The following ZBTB49 variants were observed in gnomAD, a reference collection of about 807,000 sequenced individuals.
The protein encoded by ZBTB49 is zinc finger and BTB domain containing 49, also known as zinc finger and BTB domain-containing protein 49.
ZBTB49 carries 43 observed loss-of-function variants against 57.5 expected under a neutral mutation model. That is an observed-to-expected ratio of 0.75 (90% confidence interval 0.59 to 0.97). The LOEUF (loss-of-function observed/expected upper bound fraction) is 0.97, where lower values mean the gene tolerates loss of function less well. ZBTB49 is among the 50% of genes least tolerant of loss of function. The probability of loss-of-function intolerance (pLI) is 0.00; values close to 1 mark genes in which losing one functional copy is unlikely to be tolerated. For synonymous variants in ZBTB49, 369 were observed against 362.1 expected (o/e 1.02, Z -0.22); for missense variants, 938 against 947.7 (o/e 0.99, Z 0.13).
chr4:4,304,306 A>C (rs919157774), intron 3 of ZBTB49, among the ~76,000 whole-genome samples: 1 of 151,382 alleles, frequency 6.6e-6, no homozygotes, highest in Non-Finnish European at 1.5e-5. Flanking sequence ...GCTCACTGCA[A>C]CCTCTGCCTC....
In ZBTB49 at chr4:4,313,038, C is replaced by T. The variant is rs768312324; in HGVS notation, c.1303-3C>T. 12 of 1,612,754 alleles carry T rather than the reference C, an allele frequency of 7.4e-6. No homozygotes were observed. Among genetic ancestry groups the T allele is most frequent in the Non-Finnish European group, 1.0e-5 (12 of 1,179,704 alleles). Reference sequence around the variant, plus strand: ...GTGTGTTTTTCTTTTCCTCTTTTTGCAGGCAGGTAACTTGCAGACTCACTT... The same window carrying T: ...GTGTGTTTTTCTTTTCCTCTTTTTGTAGGCAGGTAACTTGCAGACTCACTT... On this transcript the variant is annotated splice_region_variant and splice_polypyrimidine_tract_variant and intron_variant, in intron 4 of 7. Coordinates refer to ENST00000337872, the MANE Select transcript of ZBTB49 (RefSeq NM_145291.4).
intron 5 of ZBTB49, among the ~76,000 whole-genome samples, chr4:4,314,070 G>C (rs1241037013): frequency 6.6e-6 from 1 of 152,214 alleles, no homozygotes; most frequent in African/African-American, 2.4e-5. Context: ...GCTGGGGAAA[G>C]CCGAGGAGGA....
chr4:4,297,161 C>T (rs1358478394), intron 1 of ZBTB49, among the ~76,000 whole-genome samples: 1 of 152,176 alleles, frequency 6.6e-6, no homozygotes, highest in Non-Finnish European at 1.5e-5. Flanking sequence ...ACCTCCCCCG[C>T]CTGGGTTCAA....
At chr4:4,306,475 C>G (rs146629351) in intron 4 of ZBTB49, among the ~76,000 whole-genome samples, 2 of 152,306 alleles carry the variant, frequency 1.3e-5, no homozygotes, top group East Asian at 3.9e-4. Flanking sequence ...TCACAGTGAA[C>G]CACCTTGAGC....
At chr4:4,300,169 A>G (rs1344766984) in intron 2 of ZBTB49, 72 bp downstream of exon 2, 39 of 1,515,874 alleles carry the variant, frequency 2.6e-5, no homozygotes, top group Non-Finnish European at 3.5e-5. Context: ...AAGTATTCAT[A>G]TTTTGTTCTC....
In ZBTB49 at chr4:4,311,533, T is replaced by C. The variant is rs192616229; in HGVS notation, c.1303-1508T>C. Among the ~76,000 whole-genome samples the C allele has an allele frequency of 2.2e-3, 328 of 152,304 alleles. 1 individual carries two copies. The highest frequency in any genetic ancestry group is 7.4e-3 in the African/African-American group (308 of 41,572). ...TGTTTCCTCAAGGTTTCCCCACAAG[T>C]AGAGGAGTTTAGATTCACAGCAACC... On this transcript the variant is annotated intron_variant, in intron 4 of 7. Coordinates refer to ENST00000337872, the MANE Select transcript of ZBTB49 (RefSeq NM_145291.4).
rs531748171 is a variant in ZBTB49, at chr4:4,296,618, C to T, written c.-19-3309C>T. 1.5e-3 allele frequency among the ~76,000 whole-genome samples: 234 copies of T among 152,294 alleles called. 1 individual carries two copies. The highest frequency in any genetic ancestry group is 5.0e-3 in the African/African-American group (208 of 41,554). ...AAACCTCTTTCTTTTGTAAATTGCC[C>T]AGTCTTGGGTATGTCCTTATCAGCA... On this transcript the variant is annotated intron_variant, in intron 1 of 7. Coordinates refer to ENST00000337872, the MANE Select transcript of ZBTB49 (RefSeq NM_145291.4).
In ZBTB49 at chr4:4,301,991, G is replaced by T; in HGVS notation, c.155G>T (p.Ser52Ile). ...ACAGATATTCTTTCTTTTACCAGGA[G>T]CCTCTTTCAGAATTCTTCAAGCCAG... ...VLAAFSQYFR[S>I]LFQNSSSQKN... The change falls in exon 3 of 8, where the codon AGC becomes ATC. Residue 52 changes from serine (S) to isoleucine (I), a missense_variant and splice_region_variant. Physicochemically the swap from Ser to Ile is moderately radical, Grantham distance 142. Transcript: ENST00000337872. The T allele has an allele frequency of 6.6e-7, 1 of 1,521,298 alleles. No individual in the cohort carries two copies. 94.2% of individuals were successfully genotyped at this position (1,521,298 alleles called of 1,614,324 possible). A position where few individuals can be genotyped will look rare whatever the true frequency, so the allele number is the denominator to read the frequency against.
chr4:4,294,278 C>A (rs1321959000), intron 1 of ZBTB49, among the ~76,000 whole-genome samples: 3 of 151,988 alleles, frequency 2.0e-5, no homozygotes, highest in African/African-American at 7.3e-5. Context: ...GGTTTCCAGA[C>A]CTTTTTATAA....
intron 7 of ZBTB49, among the ~76,000 whole-genome samples, chr4:4,319,232 G>T (rs1721313219): frequency 6.6e-6 from 1 of 151,860 alleles, no homozygotes; most frequent in Non-Finnish European, 1.5e-5. Context: ...CAAAGTTTAG[G>T]CATGTAAGCT....
intron 1 of ZBTB49, 40 bp from the exon 2 acceptor site, chr4:4,299,887 C>A: frequency 6.3e-7 from 1 of 1,593,398 alleles, no homozygotes; most frequent in South Asian, 1.1e-5. Flanking sequence ...CCAGTGAGGT[C>A]CTTAAGAATA....
chr4:4,310,649 AC>A (rs1720949112), intron 4 of ZBTB49, among the ~76,000 whole-genome samples: 1 of 150,248 alleles, frequency 6.7e-6, no homozygotes, highest in African/African-American at 2.5e-5. Context: ...AGCTGGGACT[AC>A]AGGCGCCCGC....
chr4:4,319,153 A>G (rs1721309047), intron 7 of ZBTB49, among the ~76,000 whole-genome samples: 1 of 151,942 alleles, frequency 6.6e-6, no homozygotes, highest in South Asian at 2.1e-4. Context: ...TTAGACTCCC[A>G]AAGTGCTGGA....
At chr4:4,293,571 C>T (rs1311994123) in intron 1 of ZBTB49, among the ~76,000 whole-genome samples, 1 of 152,190 alleles carries the variant, frequency 6.6e-6, no homozygotes, top group Non-Finnish European at 1.5e-5. Flanking sequence ...TAACACTCTA[C>T]CCCCAAATTT....
intron 4 of ZBTB49, among the ~76,000 whole-genome samples, chr4:4,307,290 A>G (rs1720779733): frequency 6.6e-6 from 1 of 152,150 alleles, no homozygotes; most frequent in African/African-American, 2.4e-5. Context: ...AGGATTTGAT[A>G]AGCTGAGCTG....
chr4:4,315,515 G>A (rs960514268), intron 5 of ZBTB49, 121 bp from the exon 6 acceptor site: 113 of 949,152 alleles, frequency 1.2e-4, no homozygotes, highest in Non-Finnish European at 1.2e-4. Flanking sequence ...AACCAGTCCA[G>A]TTCACGTTCC....
intron 1 of ZBTB49, among the ~76,000 whole-genome samples, chr4:4,290,886 A>C (rs1719867748): frequency 6.6e-6 from 1 of 152,336 alleles, no homozygotes; most frequent in Admixed American, 6.5e-5. Context: ...GTCGTATTTC[A>C]TGAGTTGGTG....
intron 4 of ZBTB49, 139 bp downstream of exon 4, chr4:4,306,323 G>T (rs188380872): frequency 1.4e-6 from 1 of 721,032 alleles, no homozygotes; most frequent in Non-Finnish European, 2.3e-6. Flanking sequence ...AATAAATTAG[G>T]ATAAATCGTT....
chr4:4,311,985 A>T (rs938516681), intron 4 of ZBTB49, among the ~76,000 whole-genome samples: 1 of 152,196 alleles, frequency 6.6e-6, no homozygotes, highest in African/African-American at 2.4e-5. Context: ...TATCAAACTC[A>T]TCTTCAAATC....
Sources: gnomAD v4.1 joint callset for allele counts (sites outside exome capture counted in the v4.1 genomes callset) on GRCh38, gnomAD v4.1.1 for gene constraint, MANE v1.5 for transcripts, NCBI Gene and HGNC (gene_info 2026-07-23, HGNC 2026-07-21) for gene names.